Variants in ACTL6B observed in about 807,000 individuals in gnomAD.
ACTL6B encodes the protein actin-like protein 6B.
Under a neutral mutation model 63.3 loss-of-function variants are expected in ACTL6B, and 48 were observed. That is an observed-to-expected ratio of 0.76 (90% CI 0.60 to 0.96). The LOEUF is 0.96. ACTL6B is among the 50% of genes least tolerant of loss of function. The pLI is 0.00. For synonymous variants in ACTL6B, 230 were observed against 223.8 expected (o/e 1.03, Z -0.25); for missense variants, 350 against 572.2 (o/e 0.61, Z 3.96).
At chr7:100,652,033 C>T (rs1803949064) in intron 4 of ACTL6B, among the ~76,000 whole-genome samples, 2 of 152,176 alleles carry the variant, frequency 1.3e-5, no homozygotes, top group South Asian at 4.1e-4. Flanking sequence ...ACAGGTCTGT[C>T]CCCTGGCAGA....
chr7:100,645,297 C>CCCAG (rs969288194), intron 13 of ACTL6B, among the ~76,000 whole-genome samples: 1 of 152,112 alleles, frequency 6.6e-6, no homozygotes, highest in African/African-American at 2.4e-5. Context: ...TTCCTTCGAA[C>CCCAG]CCAGCAGCAG....
At position 100,643,982 on chromosome 7, in the gene ACTL6B, C is replaced by T. The variant is rs552815548; in HGVS notation, c.1201-656G>A. ...TGGTGCGATCTTGGCTCACTGCAGCCTCCGCCTCCCAGGTTCCAGCGATTC... is the reference window on the plus strand; with the variant it reads ...TGGTGCGATCTTGGCTCACTGCAGCTTCCGCCTCCCAGGTTCCAGCGATTC... On this transcript the variant is annotated intron_variant, in intron 13 of 13. Transcript: ENST00000160382. Among the ~76,000 whole-genome samples the T allele has an allele frequency of 3.3e-5, 5 of 152,230 alleles. No individual in the cohort carries two copies. The East Asian group carries it at 9.6e-4, about 29-fold the overall frequency.
rs1481321053 is a variant in ACTL6B, at chr7:100,646,221, G to A, written c.1200+28C>T. 1.9e-6 allele frequency: 3 copies of A among 1,602,330 alleles called. No individual in the cohort carries two copies. The highest frequency in any genetic ancestry group is 2.6e-6 in the Non-Finnish European group (3 of 1,172,016). ...GGGTCTCCCCTCTCCCCCACAGTCA[G>A]TGCTAGGCCAGGTCCCTTTCCTCTC... On this transcript the variant is annotated intron_variant, in intron 13 of 13. Transcript: ENST00000160382. This position sits in a 1 kb window ranked among gnomAD's most constrained non-coding sequence, Gnocchi z 6.1.
rs747549389 is a variant in ACTL6B, at chr7:100,646,534, CA to C, written c.1113+16del. 4.0e-5 allele frequency: 65 copies of C among 1,613,430 alleles called. No homozygotes were observed. The highest frequency in any genetic ancestry group is 1.7e-4 in the Admixed American group (10 of 59,992). On this transcript the variant is annotated intron_variant, in intron 12 of 13. Transcript: ENST00000160382. This position sits in a 1 kb window ranked among gnomAD's most constrained non-coding sequence, Gnocchi z 6.1. ...AGGACGGGTGTCCAGGGCTCTGGGT[CA>C]GGGGTGGGCTCCTACCGGTGGGGTC...
intron 4 of ACTL6B, among the ~76,000 whole-genome samples, chr7:100,653,314 A>T (rs1161261010): frequency 2.0e-5 from 3 of 152,102 alleles, no homozygotes; most frequent in Non-Finnish European, 4.4e-5. Context: ...TTTCTAATTT[A>T]AAAAGAATGT....
At chr7:100,645,074 AAAG>A (rs1803796904) in intron 13 of ACTL6B, among the ~76,000 whole-genome samples, 1 of 152,014 alleles carries the variant, frequency 6.6e-6, no homozygotes, top group African/African-American at 2.4e-5. Flanking sequence ...AAAAACAAAA[AAAG>A]GAAAAAAACA....
Position 100,648,941 on chromosome 7 carries a change from T to C in ACTL6B, c.468-118A>G. 1.1e-6 allele frequency: 1 copy of C among 950,960 alleles called. No individual in the cohort carries two copies. The highest frequency in any genetic ancestry group is 1.8e-5 in the South Asian group (1 of 57,002). 58.9% of individuals were successfully genotyped at this position (950,960 alleles called of 1,614,324 possible). A position where few individuals can be genotyped will look rare whatever the true frequency, so the allele number is the denominator to read the frequency against. On this transcript the variant is annotated intron_variant, in intron 5 of 13. Coordinates refer to ENST00000160382, the MANE Select transcript of ACTL6B (RefSeq NM_016188.5). This position sits in a 1 kb window ranked among gnomAD's most constrained non-coding sequence, Gnocchi z 4.4. ...CCAGCCCATCCCCAGTCTGCAAATC[T>C]CTCCCCCTGGTGATGACTCATCTCC...
In ACTL6B at chr7:100,643,162, G is replaced by A; in HGVS notation, c.*84C>T. The A allele has an allele frequency of 7.7e-7, 1 of 1,298,162 alleles. No homozygotes were observed. The highest frequency in any genetic ancestry group is 1.2e-5 in the South Asian group (1 of 84,066). 80.4% of individuals were successfully genotyped at this position (1,298,162 alleles called of 1,614,324 possible). On this transcript the variant is annotated 3_prime_UTR_variant, in exon 14 of 14. Transcript: ENST00000160382. The stretch of plus-strand genomic sequence containing the variant: ...ACATCACCATTAATGAGGACAAGAG[G>A]GAAAGGAGGAGGGGGGCAATGTGGC...
Position 100,647,157 on chromosome 7 carries a change from C to A in ACTL6B, c.821+66G>T. ...CAGTGCGTGGGCAGCACCAGAGCCC[C>A]CCAGCCCACCCCAAGAGTGCCGGTT... On this transcript the variant is annotated intron_variant, in intron 9 of 13. Coordinates refer to ENST00000160382, the MANE Select transcript of ACTL6B (RefSeq NM_016188.5). The surrounding 1 kb of genome is among the most constrained non-coding windows in gnomAD (Gnocchi z 4.4). The A allele has an allele frequency of 6.2e-7, 1 of 1,605,782 alleles. No individual in the cohort carries two copies. The highest frequency in any genetic ancestry group is 1.1e-5 in the South Asian group (1 of 90,910).
chr7:100,655,040 T>G lies in ACTL6B; in HGVS notation c.348A>C (p.Pro116=), dbSNP rs1249091494. The G allele has an allele frequency of 6.2e-7, 1 of 1,613,864 alleles. No homozygotes were observed. Among genetic ancestry groups the G allele is most frequent in the Non-Finnish European group, 8.5e-7 (1 of 1,179,970 alleles). ...KHVKSEPNLH[P]VLMSEAPWNT... ...TCACCGGAGCCTCGGACATGAGCAC[T>G]GGGTGCAGGTTTGGCTCAGACTTGA... is the stretch of plus-strand genomic sequence containing the variant. The change falls in exon 4 of 14, where the codon CCA becomes CCC. Residue 116 remains proline (P), a synonymous_variant. Transcript: ENST00000160382. The surrounding 1 kb of genome is among the most constrained non-coding windows in gnomAD (Gnocchi z 4.4).
chr7:100,652,170 C>T (rs377342351), intron 4 of ACTL6B, among the ~76,000 whole-genome samples: 6 of 151,692 alleles, frequency 4.0e-5, no homozygotes, highest in East Asian at 1.9e-4. Flanking sequence ...AGGCCGAGGC[C>T]GGCGGATCGC....
chr7:100,655,164 G>A lies in ACTL6B; in HGVS notation c.269-45C>T, dbSNP rs1396510657. 6.6e-7 allele frequency: 1 copy of A among 1,522,262 alleles called. No homozygotes were observed. Among genetic ancestry groups the A allele is most frequent in the Non-Finnish European group, 9.1e-7 (1 of 1,098,504 alleles). The allele number at this position is 1,522,262 out of a possible 1,614,324, so 94.3% of individuals were successfully genotyped here. A position where few individuals can be genotyped will look rare whatever the true frequency, so the allele number is the denominator to read the frequency against. The stretch of plus-strand genomic sequence containing the variant: ...GTGCAGAGACGCAAGAAGGCAGGCA[G>A]GGGACAGGGACAGGAAGAAAAGGAG... On this transcript the variant is annotated intron_variant, in intron 3 of 13. Transcript: ENST00000160382. The surrounding 1 kb of genome is among the most constrained non-coding windows in gnomAD (Gnocchi z 4.4).
chr7:100,648,622 C>T lies in ACTL6B; in HGVS notation c.603G>A (p.Met201Ile), dbSNP rs2131334768. 3 of 1,613,034 alleles carry T rather than the reference C, an allele frequency of 1.9e-6. No individual in the cohort carries two copies. Among genetic ancestry groups the T allele is most frequent in the Non-Finnish European group, 1.7e-6 (2 of 1,179,400 alleles). ...TCTCCTGGAACAGCTCCCGGCACTGCATGGAGATGAAGTCCCCTGCCAGAG... is the reference window on the plus strand; with the variant it reads ...TCTCCTGGAACAGCTCCCGGCACTGTATGGAGATGAAGTCCCCTGCCAGAG... ...KSPLAGDFIS[M>I]QCRELFQEMA... Residue 201 changes from methionine (M) to isoleucine (I), a missense_variant, in exon 7 of 14, where the codon ATG becomes ATA. By Grantham distance (10) the Met-to-Ile change is conservative (BLOSUM62 1). Around this residue, in one of 3 missense-constraint regions of ACTL6B, gnomAD observed 250 missense variants for 364.7 expected, o/e 0.69. Transcript: ENST00000160382. This position sits in a 1 kb window ranked among gnomAD's most constrained non-coding sequence, Gnocchi z 4.4.
rs1011887518 is a variant in ACTL6B, at chr7:100,646,124, C to T, written c.1200+125G>A. Reference sequence around the variant, plus strand: ...CCTTCTGGGAACATTCATTGACTGACATTTCTCAAAACTAAATGTTTGTTG... The same window carrying T: ...CCTTCTGGGAACATTCATTGACTGATATTTCTCAAAACTAAATGTTTGTTG... On this transcript the variant is annotated intron_variant, in intron 13 of 13. Transcript: ENST00000160382. The surrounding 1 kb of genome is among the most constrained non-coding windows in gnomAD (Gnocchi z 6.1). The T allele has an allele frequency of 1.1e-6, 1 of 928,080 alleles. No homozygotes were observed. Among genetic ancestry groups the T allele is most frequent in the Non-Finnish European group, 1.7e-6 (1 of 587,808 alleles). 57.5% of individuals were successfully genotyped at this position (928,080 alleles called of 1,614,324 possible).
chr7:100,645,091 A>C lies in ACTL6B; in HGVS notation c.1200+1158T>G, dbSNP rs150716399. ...AAACAAAAAAAGGAAAAAAACAAGA[A>C]CTGTGTGGCTGACATGCTTCAGCCC... On this transcript the variant is annotated intron_variant, in intron 13 of 13. Transcript: ENST00000160382. Among the ~76,000 whole-genome samples the C allele has an allele frequency of 5.3e-5, 8 of 152,018 alleles. No homozygotes were observed. The East Asian group carries it at 1.5e-3, about 29-fold the overall frequency.
intron 5 of ACTL6B, among the ~76,000 whole-genome samples, chr7:100,649,166 G>A (rs1050348142): frequency 2.7e-5 from 4 of 146,460 alleles, no homozygotes; most frequent in South Asian, 2.2e-4. Flanking sequence ...CCAATTTTTC[G>A]TATTTTTAGT....
chr7:100,654,233 A>T (rs899697889), intron 4 of ACTL6B, among the ~76,000 whole-genome samples: 4 of 151,674 alleles, frequency 2.6e-5, no homozygotes. Context: ...CGGCCTCCCA[A>T]AGTGCTGGGA....
In ACTL6B at chr7:100,647,680, T is replaced by C. The variant is rs1803850529; in HGVS notation, c.670-147A>G. On this transcript the variant is annotated intron_variant, in intron 7 of 13. Coordinates refer to ENST00000160382, the MANE Select transcript of ACTL6B (RefSeq NM_016188.5). This position sits in a 1 kb window ranked among gnomAD's most constrained non-coding sequence, Gnocchi z 4.4. The stretch of plus-strand genomic sequence containing the variant: ...AGAGGGGTTTCTCACCCTTCCCTGA[T>C]GGAGAGGAGAGAGAATGGGGCATGC... 3 of 610,424 alleles carry C rather than the reference T, an allele frequency of 4.9e-6. No individual in the cohort carries two copies. The highest frequency in any genetic ancestry group is 3.0e-5 in the Admixed American group (1 of 32,978). The allele number at this position is 610,424 out of a possible 1,614,324, so 37.8% of individuals were successfully genotyped here.
rs141807780 is a variant in ACTL6B, at chr7:100,655,545, C to G, written c.144G>C (p.Glu48Asp). 2.2e-3 allele frequency: 3,504 copies of G among 1,613,896 alleles called. 29 individuals are homozygous for G. The highest frequency in any genetic ancestry group is 1.5e-3 in the Non-Finnish European group (1,776 of 1,179,832). Residue 48 changes from glutamate (E) to aspartate (D), a missense_variant, in exon 3 of 14, where the codon GAG becomes GAC. This residue lies in a region of ACTL6B where 250 missense variants were observed against 364.7 expected (regional missense o/e 0.69). Coordinates refer to ENST00000160382, the MANE Select transcript of ACTL6B (RefSeq NM_016188.5). This position sits in a 1 kb window ranked among gnomAD's most constrained non-coding sequence, Gnocchi z 4.4. ...PTTVGLLAAE[E>D]GGGLELEGDK... ...CCCCCTCCAGCTCCAGCCCGCCCCC[C>G]TCCTCCGCGGCCAGCAGCCCCACTG...
Sources: allele counts gnomAD v4.1 joint callset (sites outside exome capture counted in the v4.1 genomes callset), GRCh38; gene constraint gnomAD v4.1.1; regional missense constraint gnomAD v4.1.1; non-coding constraint Gnocchi (gnomAD v3.1); transcripts MANE v1.5; gene names NCBI Gene and HGNC (gene_info 2026-07-23, HGNC 2026-07-21).